FHIP1A: variants seen among roughly 807,000 people sequenced by gnomAD.
The protein encoded by FHIP1A is FHF complex subunit HOOK-interacting protein 1A.
In FHIP1A, 61 loss-of-function variants were observed where a neutral mutation model predicts 88.6. That is an observed-to-expected ratio of 0.69 (90% CI 0.56 to 0.85). The LOEUF (loss-of-function observed/expected upper bound fraction) is 0.85, where lower values mean the gene tolerates loss of function less well. FHIP1A is among the 40% of genes least tolerant of loss of function. The pLI is 0.00. For synonymous variants in FHIP1A, 478 were observed against 496.0 expected (o/e 0.96, Z 0.48); for missense variants, 1,154 against 1,273.5 (o/e 0.91, Z 1.43).
At chr4:151,570,796 G>C (rs985274257) in intron 4 of FHIP1A, among the ~76,000 whole-genome samples, 3 of 152,168 alleles carry the variant, frequency 2.0e-5, no homozygotes, top group African/African-American at 7.2e-5. Flanking sequence ...AAGTTTAAAA[G>C]AGCTAGGCAA....
intron 1 of FHIP1A, among the ~76,000 whole-genome samples, chr4:151,443,608 A>G (rs755381521): frequency 1.5e-4 from 20 of 137,842 alleles, no homozygotes; most frequent in Non-Finnish European, 2.8e-4. Flanking sequence ...AAAGATGTGT[A>G]TGTAGAGCTT....
At chr4:151,525,373 A>G (rs1014698470) in intron 3 of FHIP1A, among the ~76,000 whole-genome samples, 3 of 152,184 alleles carry the variant, frequency 2.0e-5, no homozygotes, top group Non-Finnish European at 4.4e-5. Flanking sequence ...TTCCAATTGT[A>G]TTTTCAATTC....
At chr4:151,638,858 G>A in intron 9 of FHIP1A, 102 bp downstream of exon 9, 1 of 546,990 alleles carries the variant, frequency 1.8e-6, no homozygotes. Flanking sequence ...TATTACTTTG[G>A]TTGTATAAGC....
chr4:151,566,116 T>C, intron 3 of FHIP1A, 22 bp from the exon 4 acceptor site: 1 of 517,668 alleles, frequency 1.9e-6, no homozygotes, highest in Non-Finnish European at 3.4e-6. Flanking sequence ...TAAAATTCAT[T>C]TTTTTATTAT....
intron 1 of FHIP1A, among the ~76,000 whole-genome samples, chr4:151,451,350 T>C (rs943012692): frequency 6.6e-6 from 1 of 152,194 alleles, no homozygotes; most frequent in Non-Finnish European, 1.5e-5. Context: ...TCCTGGTGAT[T>C]GGATCATCTA....
chr4:151,475,084 T>G (rs1323508956), intron 2 of FHIP1A, among the ~76,000 whole-genome samples: 1 of 152,244 alleles, frequency 6.6e-6, no homozygotes, highest in Non-Finnish European at 1.5e-5. Context: ...GCTGTGCTTC[T>G]GTGTGATTTT....
intron 1 of FHIP1A, among the ~76,000 whole-genome samples, chr4:151,415,278 C>G (rs1732845437): frequency 6.6e-6 from 1 of 151,918 alleles, no homozygotes; most frequent in Non-Finnish European, 1.5e-5. Context: ...CCTCTCCCTC[C>G]CAGGTTCGAG....
intron 1 of FHIP1A, among the ~76,000 whole-genome samples, chr4:151,424,056 T>G (rs1452117044): frequency 6.6e-6 from 1 of 152,220 alleles, no homozygotes; most frequent in Non-Finnish European, 1.5e-5. Context: ...CCACCTACAC[T>G]TTCTGTCTTA....
chr4:151,412,854 T>C (rs1732720944), intron 1 of FHIP1A, among the ~76,000 whole-genome samples: 1 of 151,520 alleles, frequency 6.6e-6, no homozygotes, highest in African/African-American at 2.4e-5. Flanking sequence ...CTGGCTAATT[T>C]TGTATTTTAA....
At chr4:151,602,940 A>G (rs771167280) in intron 7 of FHIP1A, among the ~76,000 whole-genome samples, 10 of 152,156 alleles carry the variant, frequency 6.6e-5, no homozygotes, top group Non-Finnish European at 1.3e-4. Flanking sequence ...CCTAAAAGAG[A>G]TGACTGCTTC....
intron 7 of FHIP1A, among the ~76,000 whole-genome samples, chr4:151,591,833 G>T (rs1734442915): frequency 6.6e-6 from 1 of 152,176 alleles, no homozygotes; most frequent in African/African-American, 2.4e-5. Flanking sequence ...GTATTCCATG[G>T]TGTATATGTG....
intron 3 of FHIP1A, among the ~76,000 whole-genome samples, chr4:151,552,839 GAAAA>G (rs1363122010): frequency 7.0e-6 from 1 of 143,050 alleles, no homozygotes; most frequent in Non-Finnish European, 1.5e-5. Context: ...AAAAAAAAAA[GAAAA>G]AACAAAAGCA....
intron 1 of FHIP1A, among the ~76,000 whole-genome samples, chr4:151,422,881 T>C (rs897329145): frequency 3.3e-5 from 5 of 151,866 alleles, no homozygotes; most frequent in African/African-American, 1.2e-4. Flanking sequence ...AGCTGGTGAC[T>C]TTTAGGTTCT....
chr4:151,579,242 A>G (rs925903511), intron 5 of FHIP1A, among the ~76,000 whole-genome samples: 4 of 152,132 alleles, frequency 2.6e-5, no homozygotes, highest in Non-Finnish European at 5.9e-5. Context: ...CATGTAAACT[A>G]TGGTTTCTGG....
At chr4:151,504,637 T>A (rs1270822570) in intron 3 of FHIP1A, among the ~76,000 whole-genome samples, 1 of 148,424 alleles carries the variant, frequency 6.7e-6, no homozygotes, top group Non-Finnish European at 1.5e-5. Context: ...GTTATGTTAT[T>A]TTGAGACGGA....
chr4:151,639,815 A>G (rs895442742), intron 9 of FHIP1A, among the ~76,000 whole-genome samples: 3 of 152,158 alleles, frequency 2.0e-5, no homozygotes, highest in South Asian at 4.1e-4. Flanking sequence ...GTCCTCCAGC[A>G]TGCGCTCCCT....
At chr4:151,505,968 G>C (rs1730824292) in intron 3 of FHIP1A, among the ~76,000 whole-genome samples, 1 of 152,170 alleles carries the variant, frequency 6.6e-6, no homozygotes, top group Admixed American at 6.5e-5. Context: ...TGTCACCCAA[G>C]CTGGAGTACA....
intron 1 of FHIP1A, among the ~76,000 whole-genome samples, chr4:151,446,911 C>G (rs899531922): frequency 1.3e-5 from 2 of 152,032 alleles, no homozygotes; most frequent in Non-Finnish European, 2.9e-5. Context: ...CTGATCCAGA[C>G]TTATAATATG....
chr4:151,436,146 A>T (rs191634360), intron 1 of FHIP1A, among the ~76,000 whole-genome samples: 2 of 152,256 alleles, frequency 1.3e-5, no homozygotes, highest in Admixed American at 1.3e-4. Context: ...TATGGACCTG[A>T]CTAACATGGC....
Sources: gnomAD v4.1 joint callset for allele counts (sites outside exome capture counted in the v4.1 genomes callset) on GRCh38, gnomAD v4.1.1 for gene constraint, MANE v1.5 for transcripts, NCBI Gene and HGNC (gene_info 2026-07-23, HGNC 2026-07-21) for gene names.